IMPDH1: variants seen among roughly 807,000 people sequenced by gnomAD.
The protein encoded by IMPDH1 is inosine monophosphate dehydrogenase 1.
In IMPDH1, 41 loss-of-function variants were observed where a neutral mutation model predicts 73.5. The observed-to-expected ratio is 0.56, with a 90% CI of 0.43 to 0.72. The LOEUF (loss-of-function observed/expected upper bound fraction) is 0.72, where lower values mean the gene tolerates loss of function less well. IMPDH1 is among the 30% of genes least tolerant of loss of function. IMPDH1 has a pLI of 0.00. For missense variants in IMPDH1, 645 were observed against 824.8 expected, an observed-to-expected ratio of 0.78 and a Z score of 2.67; for synonymous variants, 318 against 334.3, an observed-to-expected ratio of 0.95 and a Z score of 0.53.
chr7:128,392,864 G>A lies in IMPDH1; in HGVS notation c.*143C>T. The A allele has an allele frequency of 2.5e-6, 2 of 798,548 alleles. No homozygotes were observed. The highest frequency in any genetic ancestry group is 4.2e-6 in the Non-Finnish European group (2 of 473,982). 49.5% of individuals were successfully genotyped at this position (798,548 alleles called of 1,614,324 possible). A position where few individuals can be genotyped will look rare whatever the true frequency, so the allele number is the denominator to read the frequency against. On this transcript the variant is annotated 3_prime_UTR_variant, in exon 17 of 17. Transcript: ENST00000338791. ...CGAGTGAGGGGCAGCAGTCCCCTCA[G>A]GACCTCCCCTCCTCTCTGCCTGGAA...
rs907766172 is a variant in IMPDH1, at chr7:128,396,993, C to G, written c.1104G>C (p.Gln368His). ...GTTTGATGTAATGCACCATGGCGAT[C>G]TGATACACCGAATTCCCTTGGGACG... Reference protein sequence around the residue: ...LDSSQGNSVYQIAMVHYIKQK... With the variant: ...LDSSQGNSVYHIAMVHYIKQK... Residue 368 changes from glutamine (Q) to histidine (H), a missense_variant, in exon 11 of 17, where the codon CAG becomes CAC. Coordinates refer to ENST00000338791, the MANE Select transcript of IMPDH1 (RefSeq NM_000883.4). This position sits in a 1 kb window ranked among gnomAD's most constrained non-coding sequence, Gnocchi z 4.0. 2 of 1,614,028 alleles carry G rather than the reference C, an allele frequency of 1.2e-6. No individual in the cohort carries two copies. Among genetic ancestry groups the G allele is most frequent in the South Asian group, 2.2e-5 (2 of 91,080 alleles).
chr7:128,409,867 C>A lies in IMPDH1; in HGVS notation c.35G>T (p.Gly12Val). Reference protein sequence around the residue: ...EGPLTPPPLQGGGAAAVPEPG... With the variant: ...EGPLTPPPLQVGGAAAVPEPG... ...CTCCGGAACAGCGGCGGCTCCGCCT[C>A]CCTGCAGCGGTGGTGGAGTGAGTGG... is the stretch of plus-strand genomic sequence containing the variant. Residue 12 changes from glycine to valine, a missense_variant, in exon 1 of 17, where the codon GGA (glycine) becomes GTA (valine). This residue lies in a region of IMPDH1 where 186 missense variants were observed against 186.6 expected (regional missense o/e 1.00). Coordinates refer to ENST00000338791, the MANE Select transcript of IMPDH1 (RefSeq NM_000883.4). 1 of 1,488,194 alleles carries A rather than the reference C, an allele frequency of 6.7e-7. No homozygotes were observed. Among genetic ancestry groups the A allele is most frequent in the Non-Finnish European group, 8.9e-7 (1 of 1,125,796 alleles). 92.2% of individuals were successfully genotyped at this position (1,488,194 alleles called of 1,614,324 possible).
intron 5 of IMPDH1, among the ~76,000 whole-genome samples, chr7:128,402,114 T>TC (rs1491337879): frequency 6.6e-6 from 1 of 151,500 alleles, no homozygotes; most frequent in East Asian, 1.9e-4. Context: ...TTTTTTTTTT[T>TC]CTCTCTCTGA....
At chr7:128,403,842 G>A in intron 4 of IMPDH1, 88 bp from the exon 5 acceptor site, 2 of 1,166,848 alleles carry the variant, frequency 1.7e-6, no homozygotes, top group Non-Finnish European at 2.6e-6. Context: ...CAGCAGGGGG[G>A]TACAGAAAAG....
chr7:128,409,820 C>G lies in IMPDH1; in HGVS notation c.82G>C (p.Gly28Arg), dbSNP rs1266114643. Residue 28 changes from glycine (G) to arginine (R), a missense_variant, in exon 1 of 17, where the codon GGA (glycine) becomes CGA (arginine). By Grantham distance (125) the Gly-to-Arg change is moderately radical (BLOSUM62 -2). Transcript: ENST00000338791. Reference sequence around the variant, plus strand: ...TACCGCTGCGCCGCCGTCTCGTGTCCCGGGTGTTGCCGGGCTCCGGGCTCC... The same window carrying G: ...TACCGCTGCGCCGCCGTCTCGTGTCGCGGGTGTTGCCGGGCTCCGGGCTCC... Reference protein sequence around the residue: ...VPEPGARQHPGHETAAQRYSA... With the variant: ...VPEPGARQHPRHETAAQRYSA... 2.7e-6 allele frequency: 4 copies of G among 1,497,114 alleles called. No individual in the cohort carries two copies. In the South Asian group the frequency reaches 3.8e-5, roughly 14 times the overall value. The allele number at this position is 1,497,114 out of a possible 1,614,324, so 92.7% of individuals were successfully genotyped here. A position where few individuals can be genotyped will look rare whatever the true frequency, so the allele number is the denominator to read the frequency against.
chr7:128,401,991 C>T (rs886095213), intron 5 of IMPDH1, among the ~76,000 whole-genome samples: 1 of 152,210 alleles, frequency 6.6e-6, no homozygotes, highest in African/African-American at 2.4e-5. Flanking sequence ...GTTCAGACCT[C>T]TGGCCCCATG....
Position 128,400,808 on chromosome 7 carries a change from G to A in IMPDH1, c.579+9C>T. ...GTGGCATCTTGCTGGGGACAGGCCT[G>A]GTACTTGCCTTGACCTTCCGCACCT... is the stretch of plus-strand genomic sequence containing the variant. On this transcript the variant is annotated intron_variant, in intron 7 of 16. Transcript: ENST00000338791. The A allele has an allele frequency of 6.2e-7, 1 of 1,613,356 alleles. No homozygotes were observed. The highest frequency in any genetic ancestry group is 1.1e-5 in the South Asian group (1 of 91,064).
rs1185306941 is a variant in IMPDH1, at chr7:128,394,749, G to C, written c.1550+140C>G. 7.2e-7 allele frequency: 1 copy of C among 1,388,598 alleles called. No individual in the cohort carries two copies. The highest frequency in any genetic ancestry group is 2.3e-5 in the East Asian group (1 of 42,920). The allele number at this position is 1,388,598 out of a possible 1,614,324, so 86.0% of individuals were successfully genotyped here. A position where few individuals can be genotyped will look rare whatever the true frequency, so the allele number is the denominator to read the frequency against. ...TCAGATGGCCCAGGGACAGATCCTG[G>C]GTCTGCTACTTAAGCCCTGTGCCTC... On this transcript the variant is annotated intron_variant, in intron 14 of 16. Transcript: ENST00000338791. This position sits in a 1 kb window ranked among gnomAD's most constrained non-coding sequence, Gnocchi z 5.5.
chr7:128,403,981 A>G lies in IMPDH1; in HGVS notation c.354-227T>C, dbSNP rs2288549. On this transcript the variant is annotated intron_variant, in intron 4 of 16. Coordinates refer to ENST00000338791, the MANE Select transcript of IMPDH1 (RefSeq NM_000883.4). ...TAGAGCCAAAGACAGCGAAAGGTCT[A>G]CTGGGGTACCATCAAGGTAATAGGC... 0.78 allele frequency among the ~76,000 whole-genome samples: 119,423 copies of G among 152,230 alleles called. 47,068 individuals are homozygous for G. Among genetic ancestry groups the G allele is most frequent in the East Asian group, 0.94 (4,870 of 5,184 alleles).
chr7:128,394,233 C>T lies in IMPDH1; in HGVS notation c.1778+45G>A, dbSNP rs747513991. On this transcript the variant is annotated intron_variant, in intron 16 of 16. Coordinates refer to ENST00000338791, the MANE Select transcript of IMPDH1 (RefSeq NM_000883.4). This position sits in a 1 kb window ranked among gnomAD's most constrained non-coding sequence, Gnocchi z 5.5. ...CCTCAGAACCCTGGCCCCACCTGCC[C>T]AACCCACTGCCTCCAAGTGACAGCA... 3 of 1,543,946 alleles carry T rather than the reference C, an allele frequency of 1.9e-6. No individual in the cohort carries two copies. The Admixed American group carries it at 5.0e-5, about 26-fold the overall frequency.
rs1562982313 is a variant in IMPDH1 at position 128,394,308 on chromosome 7, T to C, written c.1748A>G (p.Gln583Arg). The C allele has an allele frequency of 1.9e-6, 3 of 1,613,942 alleles. No homozygotes were observed. The highest frequency in any genetic ancestry group is 2.5e-6 in the Non-Finnish European group (3 of 1,180,010). Reference protein sequence around the residue: ...LKFEKRTMSAQIEGGVHGLHS... With the variant: ...LKFEKRTMSARIEGGVHGLHS... Reference sequence around the variant, plus strand: ...CAGGCCATGGACACCACCCTCAATCTGGGCCGACATGGTCCGCTTCTCAAA... The same window carrying C: ...CAGGCCATGGACACCACCCTCAATCCGGGCCGACATGGTCCGCTTCTCAAA... Residue 583 changes from glutamine (Q) to arginine (R), a missense_variant, in exon 16 of 17, where the codon CAG becomes CGG. Transcript: ENST00000338791. This position sits in a 1 kb window ranked among gnomAD's most constrained non-coding sequence, Gnocchi z 5.5.
chr7:128,394,752 C>A lies in IMPDH1; in HGVS notation c.1550+137G>T. 7.2e-7 allele frequency: 1 copy of A among 1,395,642 alleles called. No individual in the cohort carries two copies. Among genetic ancestry groups the A allele is most frequent in the South Asian group, 1.2e-5 (1 of 85,390 alleles). 86.5% of individuals were successfully genotyped at this position (1,395,642 alleles called of 1,614,324 possible). The stretch of plus-strand genomic sequence containing the variant: ...GATGGCCCAGGGACAGATCCTGGGT[C>A]TGCTACTTAAGCCCTGTGCCTCAGT... On this transcript the variant is annotated intron_variant, in intron 14 of 16. Transcript: ENST00000338791. This position sits in a 1 kb window ranked among gnomAD's most constrained non-coding sequence, Gnocchi z 5.5.
At chr7:128,402,817 A>G (rs1486569254) in intron 5 of IMPDH1, among the ~76,000 whole-genome samples, 2 of 152,144 alleles carry the variant, frequency 1.3e-5, no homozygotes, top group East Asian at 3.8e-4. Flanking sequence ...AGTTTATCAT[A>G]TGTTAATTGT....
In IMPDH1 at chr7:128,394,408, AAGAGCG is replaced by A. The variant is rs1348372655; in HGVS notation, c.1694+42_1694+47del. 6.2e-7 allele frequency: 1 copy of A among 1,613,778 alleles called. No individual in the cohort carries two copies. The highest frequency in any genetic ancestry group is 1.1e-5 in the South Asian group (1 of 91,056). On this transcript the variant is annotated intron_variant, in intron 15 of 16. Transcript: ENST00000338791. The surrounding 1 kb of genome is among the most constrained non-coding windows in gnomAD (Gnocchi z 5.5). ...CAGATCAGGGCCACCAAGGGTGGAG[AAGAGCG>A]AGAGAAAGGAAGCAGGAGCCACCCC...
rs1219652939 is a variant in IMPDH1, at chr7:128,400,386, A to G, written c.733T>C (p.Ser245Pro). 3 of 1,612,912 alleles carry G rather than the reference A, an allele frequency of 1.9e-6. No homozygotes were observed. The highest frequency in any genetic ancestry group is 2.2e-5 in the South Asian group (2 of 90,942). ...MGSKLVGIVT[S>P]RDIDFLAEKD... Reference sequence around the variant, plus strand: ...TCAGCAAGAAAGTCGATGTCTCGGGAGGTGACGATGCCCACCAGCTTGCTG... The same window carrying G: ...TCAGCAAGAAAGTCGATGTCTCGGGGGGTGACGATGCCCACCAGCTTGCTG... The change falls in exon 8 of 17, where the codon TCC becomes CCC. Residue 245 changes from serine to proline, a missense_variant. Ser to Pro is a moderately conservative substitution (Grantham distance 74, BLOSUM62 -1). Coordinates refer to ENST00000338791, the MANE Select transcript of IMPDH1 (RefSeq NM_000883.4).
intron 4 of IMPDH1, among the ~76,000 whole-genome samples, chr7:128,404,476 G>A (rs1798566678): frequency 1.3e-5 from 2 of 152,158 alleles, no homozygotes; most frequent in South Asian, 4.1e-4. Flanking sequence ...TAGGTGCAGG[G>A]TCACAGCTCA....
At chr7:128,395,393 C>A in intron 12 of IMPDH1, 119 bp from the exon 13 acceptor site, 1 of 1,223,594 alleles carries the variant, frequency 8.2e-7, no homozygotes, top group East Asian at 2.4e-5. Flanking sequence ...AGGGACAGGG[C>A]TGGATGGTGT....
intron 9 of IMPDH1, among the ~76,000 whole-genome samples, chr7:128,399,729 T>C (rs991992364): frequency 6.6e-6 from 1 of 152,116 alleles, no homozygotes; most frequent in Non-Finnish European, 1.5e-5. Context: ...GAAAATATTA[T>C]AAAAACAGCT....
At chr7:128,403,662 C>T in intron 5 of IMPDH1, 44 bp downstream of exon 5, 1 of 1,573,300 alleles carries the variant, frequency 6.4e-7, no homozygotes, top group East Asian at 2.2e-5. Context: ...CCTCTTCCAC[C>T]ACATACACAG....
Sources: allele counts gnomAD v4.1 joint callset (sites outside exome capture counted in the v4.1 genomes callset), GRCh38; gene constraint gnomAD v4.1.1; regional missense constraint gnomAD v4.1.1; non-coding constraint Gnocchi (gnomAD v3.1); transcripts MANE v1.5; gene names NCBI Gene and HGNC (gene_info 2026-07-23, HGNC 2026-07-21).